The following RAPGEF4 variants were observed in gnomAD, a reference collection of about 807,000 sequenced individuals.
RAPGEF4 encodes the protein Rap guanine nucleotide exchange factor 4.
Under a neutral mutation model 147.9 loss-of-function variants are expected in RAPGEF4, and 66 were observed. The observed-to-expected ratio is 0.45, with a 90% CI of 0.37 to 0.55. The LOEUF (loss-of-function observed/expected upper bound fraction) is 0.55, where lower values mean the gene tolerates loss of function less well. RAPGEF4 is among the 20% of genes least tolerant of loss of function. The probability of loss-of-function intolerance (pLI) is 0.00; values close to 1 mark genes in which losing one functional copy is unlikely to be tolerated. For missense variants in RAPGEF4, 1,071 were observed against 1,257.3 expected (o/e 0.85, Z 2.24); for synonymous variants, 419 against 442.7 (o/e 0.95, Z 0.67).
chr2:172,797,576 C>T lies in RAPGEF4; in HGVS notation c.260C>T (p.Ser87Phe). 6.2e-7 allele frequency: 1 copy of T among 1,613,692 alleles called. No individual in the cohort carries two copies. Among genetic ancestry groups the T allele is most frequent in the Non-Finnish European group, 8.5e-7 (1 of 1,179,852 alleles). Residue 87 changes from serine (S) to phenylalanine (F), a missense_variant, in exon 3 of 31, where the codon TCT (serine) becomes TTT (phenylalanine). Ser to Phe is a radical substitution (Grantham distance 155). Transcript: ENST00000397081. ...GTNWYAVLAG[S>F]LDVKVSETSS... is the part of the protein sequence containing the mutation. The stretch of plus-strand genomic sequence containing the variant: ...AACTGGTATGCTGTCCTGGCAGGGT[C>T]TTTGGATGTTAAAGTATCTGAGACC...
At chr2:172,966,064 G>A (rs923125012) in intron 9 of RAPGEF4, among the ~76,000 whole-genome samples, 3 of 152,200 alleles carry the variant, frequency 2.0e-5, no homozygotes, top group Non-Finnish European at 4.4e-5. Context: ...CTGATGACAT[G>A]AAAGTAAGTA....
At chr2:173,004,998 G>A (rs890574979) in intron 17 of RAPGEF4, among the ~76,000 whole-genome samples, 3 of 151,860 alleles carry the variant, frequency 2.0e-5, no homozygotes, top group African/African-American at 7.3e-5. Context: ...GGCAACAAGG[G>A]GGCAAAGATA....
intron 3 of RAPGEF4, among the ~76,000 whole-genome samples, chr2:172,803,787 T>C (rs1687207418): frequency 6.6e-6 from 1 of 152,242 alleles, no homozygotes; most frequent in South Asian, 2.1e-4. Context: ...ACCTCTTGAA[T>C]GCTTTGCTGC....
rs3769212 is a variant in RAPGEF4, at chr2:173,046,500, G to A, written c.2854-2100G>A. The stretch of plus-strand genomic sequence containing the variant: ...ACTGGCAGCATTTCCCAGGGTTTTC[G>A]GTAATTACACTCCATTCAATATCTG... On this transcript the variant is annotated intron_variant, in intron 29 of 30. Transcript: ENST00000397081. Among the ~76,000 whole-genome samples the A allele has an allele frequency of 1.0e-3, 152 of 152,178 alleles. 2 individuals are homozygous for A. Among genetic ancestry groups the A allele is most frequent in the Admixed American group, 7.3e-3 (112 of 15,298 alleles).
chr2:173,045,578 C>A (rs1241869294), intron 29 of RAPGEF4, among the ~76,000 whole-genome samples: 1 of 152,172 alleles, frequency 6.6e-6, no homozygotes, highest in East Asian at 1.9e-4. Flanking sequence ...AACATGTTTG[C>A]TGTTGGGTCA....
chr2:172,942,035 T>C (rs1409009480), intron 6 of RAPGEF4, among the ~76,000 whole-genome samples: 2 of 151,878 alleles, frequency 1.3e-5, no homozygotes, highest in African/African-American at 4.8e-5. Flanking sequence ...TGACAAATAA[T>C]AATTACAGAT....
intron 4 of RAPGEF4, among the ~76,000 whole-genome samples, chr2:172,829,774 T>G (rs72900203): frequency 0.015 from 2,233 of 149,040 alleles, 18 homozygotes; most frequent in South Asian, 0.034. Context: ...AGTAATATAA[T>G]AACTCATTTA....
intron 4 of RAPGEF4, among the ~76,000 whole-genome samples, chr2:172,858,713 A>T (rs1693709808): frequency 6.6e-6 from 1 of 152,244 alleles, no homozygotes; most frequent in African/African-American, 2.4e-5. Flanking sequence ...GGAGCAGTTA[A>T]GTATAACCAA....
chr2:172,776,923 C>T (rs187395857), intron 1 of RAPGEF4, among the ~76,000 whole-genome samples: 54 of 152,286 alleles, frequency 3.5e-4, no homozygotes, highest in African/African-American at 9.6e-4. Context: ...ATCTCTGACT[C>T]TGTTTTTACT....
intron 3 of RAPGEF4, among the ~76,000 whole-genome samples, chr2:172,811,242 A>T (rs1687992364): frequency 6.6e-6 from 1 of 152,250 alleles, no homozygotes; most frequent in Admixed American, 6.5e-5. Context: ...GCCATCCAGA[A>T]AGCTACAGAT....
intron 4 of RAPGEF4, among the ~76,000 whole-genome samples, chr2:172,850,228 A>G (rs1553517864): frequency 6.6e-6 from 1 of 152,182 alleles, no homozygotes; most frequent in Non-Finnish European, 1.5e-5. Context: ...CAAAGGAAAA[A>G]TTCTTTTCAT....
chr2:173,037,348 G>T (rs534206945), intron 29 of RAPGEF4, among the ~76,000 whole-genome samples: 1 of 152,060 alleles, frequency 6.6e-6, no homozygotes, highest in African/African-American at 2.4e-5. Context: ...AGCCTCCCTA[G>T]GTGCTGGGAT....
At chr2:172,955,793 C>A (rs72894158) in intron 6 of RAPGEF4, among the ~76,000 whole-genome samples, 1 of 152,056 alleles carries the variant, frequency 6.6e-6, no homozygotes, top group Non-Finnish European at 1.5e-5. Context: ...GAAGAGTATC[C>A]GGGAGGATAT....
chr2:173,024,573 A>G (rs1696476352), intron 23 of RAPGEF4, among the ~76,000 whole-genome samples: 1 of 152,206 alleles, frequency 6.6e-6, no homozygotes, highest in Non-Finnish European at 1.5e-5. Context: ...CTTTTGTGCC[A>G]GGCACTGTAT....
rs78310599 is a variant in RAPGEF4 at position 173,002,342 on chromosome 2, T to C, written c.1658+998T>C. On this transcript the variant is annotated intron_variant, in intron 17 of 30. Transcript: ENST00000397081. ...AAACTCCAGTGACAATTCCTCTCTA[T>C]AGCTTGAAGGCCAAGTTTATTTGGG... Among the ~76,000 whole-genome samples, 927 of 152,282 alleles carry C rather than the reference T, an allele frequency of 6.1e-3. 15 individuals carry two copies. Among genetic ancestry groups the C allele is most frequent in the African/African-American group, 0.021 (878 of 41,550 alleles).
chr2:172,974,424 CTA>C (rs1690847070), intron 10 of RAPGEF4, among the ~76,000 whole-genome samples: 1 of 152,110 alleles, frequency 6.6e-6, no homozygotes, highest in Non-Finnish European at 1.5e-5. Flanking sequence ...TGGTTCATAC[CTA>C]TAGTACTAAC....
chr2:172,902,468 A>G (rs1699175030), intron 4 of RAPGEF4, among the ~76,000 whole-genome samples: 1 of 151,756 alleles, frequency 6.6e-6, no homozygotes, highest in African/African-American at 2.4e-5. Context: ...ACAGTCAGTT[A>G]ATTTTTGTAT....
chr2:172,870,766 A>C (rs994762272), intron 4 of RAPGEF4, among the ~76,000 whole-genome samples: 1 of 152,152 alleles, frequency 6.6e-6, no homozygotes, highest in Admixed American at 6.6e-5. Flanking sequence ...ATGACTTTAT[A>C]ATTTTTTCCT....
At chr2:172,836,388 A>G (rs902892567) in intron 4 of RAPGEF4, among the ~76,000 whole-genome samples, 2 of 152,186 alleles carry the variant, frequency 1.3e-5, no homozygotes, top group African/African-American at 4.8e-5. Flanking sequence ...CCAGAACTCA[A>G]CTTCGTTGTA....
Sources: gnomAD v4.1 joint callset for allele counts (sites outside exome capture counted in the v4.1 genomes callset) on GRCh38, gnomAD v4.1.1 for gene constraint, MANE v1.5 for transcripts, NCBI Gene and HGNC (gene_info 2026-07-23, HGNC 2026-07-21) for gene names.